The following MYOM1 variants were observed in gnomAD, a reference collection of about 807,000 sequenced individuals.
MYOM1 encodes the protein myomesin 1.
A neutral mutation model predicts 205.3 loss-of-function variants in MYOM1; 164 were observed. The ratio of observed to expected loss-of-function variants is 0.80; its 90% CI spans 0.70 to 0.91. MYOM1 has a LOEUF of 0.91. MYOM1 is among the 40% of genes least tolerant of loss of function. The pLI is 0.00. For missense variants in MYOM1, 2,011 were observed against 2,127.3 expected, an observed-to-expected ratio of 0.95 and a Z score of 1.08; for synonymous variants, 772 against 789.4, an observed-to-expected ratio of 0.98 and a Z score of 0.37.
intron 22 of MYOM1, among the ~76,000 whole-genome samples, chr18:3,106,435 T>C (rs891636955): frequency 6.6e-6 from 1 of 152,248 alleles, no homozygotes; most frequent in Non-Finnish European, 1.5e-5. Context: ...CATTACCTTA[T>C]AGTTGAGTTG....
chr18:3,085,506 G>C (rs1163229645), intron 30 of MYOM1, among the ~76,000 whole-genome samples: 2 of 152,070 alleles, frequency 1.3e-5, no homozygotes, highest in African/African-American at 2.4e-5. Flanking sequence ...ACCGTTCACA[G>C]ATGCAGAGAT....
rs777424606 is a variant in MYOM1, at chr18:3,067,535, G to T, written c.4785C>A (p.Asn1595Lys). The change falls in exon 38 of 38, where the codon AAC becomes AAA. Residue 1595 changes from asparagine (N) to lysine (K), a missense_variant. Physicochemically the swap from Asn to Lys is moderately conservative, Grantham distance 94 (BLOSUM62 0). Coordinates refer to ENST00000356443, the MANE Select transcript of MYOM1 (RefSeq NM_003803.4). ...CCTCCGGAGGCGGGTCTCCCCACAC[G>T]TTGCAAGTGAGATTAAGGGCCTGCA... ...QEGKALNLTCNVWGDPPPEVS... is the reference protein window; with the variant it reads ...QEGKALNLTCKVWGDPPPEVS... 2 of 1,613,374 alleles carry T rather than the reference G, an allele frequency of 1.2e-6. No individual in the cohort carries two copies. Among genetic ancestry groups the T allele is most frequent in the Non-Finnish European group, 1.7e-6 (2 of 1,179,504 alleles).
chr18:3,172,208 A>G (rs942026926), intron 8 of MYOM1, among the ~76,000 whole-genome samples: 2 of 152,238 alleles, frequency 1.3e-5, no homozygotes, highest in African/African-American at 4.8e-5. Flanking sequence ...CCTACCTAGC[A>G]CATAACAGGT....
chr18:3,227,478 G>T, the MYOM1 span, among the ~76,000 whole-genome samples: 174 of 152,270 alleles, frequency 1.1e-3, no homozygotes, highest in African/African-American at 4.1e-3. Context: ...GTAATGAGGA[G>T]TATAGCTTAA....
chr18:3,132,025 ATAT>A (rs747164633), intron 16 of MYOM1, among the ~76,000 whole-genome samples: 17 of 127,620 alleles, frequency 1.3e-4, no homozygotes, highest in Admixed American at 4.0e-4. Flanking sequence ...ATTAGTATTA[ATAT>A]TATTATATAT....
chr18:3,180,386 G>T lies in MYOM1; in HGVS notation c.930-4252C>A, dbSNP rs551671957. Among the ~76,000 whole-genome samples, 16 of 152,288 alleles carry T rather than the reference G, an allele frequency of 1.1e-4. No homozygotes were observed. In the South Asian group the frequency reaches 2.9e-3, roughly 28 times the overall value. Reference sequence around the variant, plus strand: ...CAATGTGAGAAATTCTTCATTTAAAGCGGTGGTCAAGGATTAAGTCAGAAA... The same window carrying T: ...CAATGTGAGAAATTCTTCATTTAAATCGGTGGTCAAGGATTAAGTCAGAAA... On this transcript the variant is annotated intron_variant, in intron 5 of 37. Transcript: ENST00000356443.
At chr18:3,237,541 G>A in the MYOM1 span, among the ~76,000 whole-genome samples, 1 of 140,884 alleles carries the variant, frequency 7.1e-6, no homozygotes, top group Admixed American at 7.4e-5. Context: ...GGAGCTTGCA[G>A]TGAGCCGAGA....
chr18:3,117,688 T>A (rs1341954058), intron 20 of MYOM1, among the ~76,000 whole-genome samples: 1 of 151,882 alleles, frequency 6.6e-6, no homozygotes, highest in East Asian at 1.9e-4. Flanking sequence ...ACAACTGACA[T>A]CTAGCCAACC....
chr18:3,073,842 GGAAACCTGCTTGGA>G (rs1329487922), intron 36 of MYOM1, among the ~76,000 whole-genome samples: 8 of 152,138 alleles, frequency 5.3e-5, no homozygotes, highest in Non-Finnish European at 8.8e-5. Context: ...ACTGTGAGAG[GGAAACCTGCTTGGA>G]GAAACCCTCT....
upstream of MYOM1, among the ~76,000 whole-genome samples, chr18:3,223,622 C>A (rs775147228): frequency 2.0e-5 from 3 of 152,172 alleles, no homozygotes; most frequent in Non-Finnish European, 4.4e-5. Flanking sequence ...GCTCTAATAA[C>A]CTGTGCTATC....
intron 2 of MYOM1, among the ~76,000 whole-genome samples, chr18:3,197,669 CG>C (rs962081279): frequency 1.3e-5 from 2 of 151,698 alleles, no homozygotes; most frequent in African/African-American, 4.8e-5. Context: ...GTCAGGAGAT[CG>C]AGACCATCCT....
rs191237132 is a variant in MYOM1 at position 3,188,431 on chromosome 18, A to G, written c.771+317T>C. ...CACGAGTTCAAGACCAGCCTTGCCAACATGGCGAAACCCCACCTCTACCAG... is the reference window on the plus strand; with the variant it reads ...CACGAGTTCAAGACCAGCCTTGCCAGCATGGCGAAACCCCACCTCTACCAG... On this transcript the variant is annotated intron_variant, in intron 4 of 37. Transcript: ENST00000356443. Among the ~76,000 whole-genome samples, 259 of 151,864 alleles carry G rather than the reference A, an allele frequency of 1.7e-3. 1 individual carries two copies. The highest frequency in any genetic ancestry group is 5.8e-3 in the African/African-American group (241 of 41,366).
At chr18:3,191,938 T>C (rs183268157) in intron 3 of MYOM1, among the ~76,000 whole-genome samples, 2,454 of 152,154 alleles carry the variant, frequency 0.016, 64 homozygotes, top group African/African-American at 0.053. Flanking sequence ...CATTGTGATC[T>C]GCCCGCCTCA....
At chr18:3,232,060 C>T in the MYOM1 span, among the ~76,000 whole-genome samples, 40 of 151,566 alleles carry the variant, frequency 2.6e-4, no homozygotes, top group Non-Finnish European at 3.8e-4. Flanking sequence ...CCAGGAGCAG[C>T]GACTCACACC....
the MYOM1 span, chr18:3,246,252 G>A: frequency 2.0e-5 from 3 of 152,228 alleles, no homozygotes; most frequent in Admixed American, 6.5e-5. Flanking sequence ...GCAAGCTCCA[G>A]GAACAAACGC....
At chr18:3,147,707 T>C (rs2080150332) in intron 13 of MYOM1, among the ~76,000 whole-genome samples, 2 of 152,350 alleles carry the variant, frequency 1.3e-5, no homozygotes, top group African/African-American at 4.8e-5. Context: ...ATGTAATCAA[T>C]TGAATTTGAC....
intron 36 of MYOM1, among the ~76,000 whole-genome samples, chr18:3,074,583 A>T (rs2078999530): frequency 6.6e-6 from 1 of 152,360 alleles, no homozygotes; most frequent in Middle Eastern, 3.4e-3. Context: ...TGAAACAAAC[A>T]GCTCACAGAA....
intron 5 of MYOM1, among the ~76,000 whole-genome samples, chr18:3,185,589 C>T (rs2080798525): frequency 6.6e-6 from 1 of 152,038 alleles, no homozygotes; most frequent in Non-Finnish European, 1.5e-5. Flanking sequence ...GTCCCTTTAA[C>T]AGGCCAAATT....
In MYOM1 at chr18:3,085,039, A is replaced by C; in HGVS notation, c.4339+6T>G. The C allele has an allele frequency of 6.3e-7, 1 of 1,597,520 alleles. No homozygotes were observed. Among genetic ancestry groups the C allele is most frequent in the Non-Finnish European group, 8.5e-7 (1 of 1,170,892 alleles). ...CAAGACAGACCCCAGCAGTTGGTGG[A>C]CTGACCTTCATCCACAAGCTTCAGT... On this transcript the variant is annotated splice_donor_region_variant and intron_variant, in intron 31 of 37. Coordinates refer to ENST00000356443, the MANE Select transcript of MYOM1 (RefSeq NM_003803.4).
Sources: gnomAD v4.1 joint callset for allele counts (sites outside exome capture counted in the v4.1 genomes callset) on GRCh38, gnomAD v4.1.1 for gene constraint, MANE v1.5 for transcripts, NCBI Gene and HGNC (gene_info 2026-07-23, HGNC 2026-07-21) for gene names.